The following CDC42 variants were observed in gnomAD, a reference collection of about 807,000 sequenced individuals.
The protein encoded by CDC42 is cell division cycle 42.
Under a neutral mutation model 20.8 loss-of-function variants are expected in CDC42, and 1 was observed. The ratio of observed to expected loss-of-function variants is 0.05; its 90% CI spans 0.02 to 0.23. The LOEUF (loss-of-function observed/expected upper bound fraction) is 0.23. CDC42 is among the 10% of genes least tolerant of loss of function. The pLI is 1.00. For missense variants in CDC42, 49 were observed against 227.9 expected (o/e 0.21, Z 5.05); for synonymous variants, 72 against 84.8 (o/e 0.85, Z 0.83).
intron 1 of CDC42, among the ~76,000 whole-genome samples, chr1:22,071,188 C>A (rs1390043526): frequency 6.6e-6 from 1 of 151,548 alleles, no homozygotes; most frequent in Non-Finnish European, 1.5e-5. Context: ...GGACTACAGG[C>A]GCCTGCCACC....
chr1:22,065,255 T>G (rs1645409891), intron 1 of CDC42, among the ~76,000 whole-genome samples: 1 of 152,246 alleles, frequency 6.6e-6, no homozygotes, highest in South Asian at 2.1e-4. Context: ...AAATACTTGC[T>G]GTGTGATTAG....
chr1:22,064,154 A>G (rs1390665982), intron 1 of CDC42: 1 of 151,862 alleles, frequency 6.6e-6, no homozygotes, highest in African/African-American at 2.4e-5. Flanking sequence ...CTTTTTGGAT[A>G]AATTACCTGA....
Position 22,081,779 on chromosome 1 carries a change from CT to C in CDC42, c.168del (p.Phe56LeufsTer15). Reference sequence around the variant, plus strand: ...TGGTGGAGAACCATATACTCTTGGACTTTTTGATACTGCAGGTGAAAACTTA... The same window carrying C: ...TGGTGGAGAACCATATACTCTTGGACTTTTGATACTGCAGGTGAAAACTTA... Reference protein sequence around the residue: ...MIGGEPYTLGLFDTAGQEDYD... With the variant: ...MIGGEPYTLGXFDTAGQEDYD... On this transcript the variant is annotated frameshift_variant, in exon 3 of 6. Coordinates refer to ENST00000656825, the MANE Select transcript of CDC42 (RefSeq NM_001791.4). LOFTEE classifies it high-confidence loss of function. 2 of 1,603,670 alleles carry C rather than the reference CT, an allele frequency of 1.2e-6. No homozygotes were observed. Among genetic ancestry groups the C allele is most frequent in the Non-Finnish European group, 1.7e-6 (2 of 1,170,988 alleles).
intron 1 of CDC42, among the ~76,000 whole-genome samples, chr1:22,063,720 T>C (rs567513936): frequency 2.6e-5 from 4 of 152,198 alleles, no homozygotes; most frequent in South Asian, 4.1e-4. Flanking sequence ...GTTGGTAACC[T>C]TCACAACTTT....
At position 22,100,062 on chromosome 1, in the gene CDC42, G is replaced by A. The variant is rs1350073621; in HGVS notation, c.*8545G>A. Among the ~76,000 whole-genome samples the A allele has an allele frequency of 7.2e-6, 1 of 138,700 alleles. No homozygotes were observed. The highest frequency in any genetic ancestry group is 2.7e-5 in the African/African-American group (1 of 36,856). The allele number at this position is 138,700 out of a possible 152,430, so 91.0% of individuals were successfully genotyped here. A position where few individuals can be genotyped will look rare whatever the true frequency, so the allele number is the denominator to read the frequency against. On this transcript the variant is annotated 3_prime_UTR_variant, in exon 6 of 6. Coordinates refer to ENST00000656825, the MANE Select transcript of CDC42 (RefSeq NM_001791.4). ...TTTTTTTTGTATAATAGGCCTGTGA[G>A]TTGGGAAGAGCAGGGTTTGTTTGGT...
chr1:22,066,054 G>GT lies in CDC42; in HGVS notation c.-50-12368dup, dbSNP rs543702771. Among the ~76,000 whole-genome samples the GT allele has an allele frequency of 3.9e-4, 60 of 152,192 alleles. No homozygotes were observed. The Middle Eastern group carries it at 0.01, about 26-fold the overall frequency. ...GGATTACAGGCCTCTGTGCCTGGGC[G>GT]TTTTTTTCATATTACTACTTTAGTC... is the stretch of plus-strand genomic sequence containing the variant. On this transcript the variant is annotated intron_variant, in intron 1 of 5. Coordinates refer to ENST00000656825, the MANE Select transcript of CDC42 (RefSeq NM_001791.4).
intron 1 of CDC42, among the ~76,000 whole-genome samples, chr1:22,058,150 T>G (rs1188500758): frequency 6.6e-6 from 1 of 152,220 alleles, no homozygotes; most frequent in Non-Finnish European, 1.5e-5. Context: ...TCATTAGAAC[T>G]ATCAGGATTC....
At chr1:22,080,934 G>C (rs767132756) in intron 2 of CDC42, among the ~76,000 whole-genome samples, 3 of 152,158 alleles carry the variant, frequency 2.0e-5, no homozygotes, top group Non-Finnish European at 2.9e-5. Flanking sequence ...ACTTTGGGAG[G>C]CCGAGGCAGG....
intron 1 of CDC42, among the ~76,000 whole-genome samples, chr1:22,075,559 G>A (rs1400662481): frequency 6.6e-6 from 1 of 152,160 alleles, no homozygotes; most frequent in Non-Finnish European, 1.5e-5. Context: ...TCCTTTCTAA[G>A]AAGTTTGGAA....
chr1:22,098,214 C>T lies in CDC42; in HGVS notation c.*6697C>T, dbSNP rs569129865. ...AAGTTTGCATTATTACTCCTAACAA[C>T]GTGCCCTTTGGCAGGTAGCTTCCAC... is the stretch of plus-strand genomic sequence containing the variant. On this transcript the variant is annotated 3_prime_UTR_variant, in exon 6 of 6. Transcript: ENST00000656825. 7.1e-4 allele frequency among the ~76,000 whole-genome samples: 108 copies of T among 152,266 alleles called. 4 individuals are homozygous for T. In the South Asian group the frequency reaches 0.021, roughly 30 times the overall value.
chr1:22,088,229 C>T (rs1645680262), intron 5 of CDC42, among the ~76,000 whole-genome samples: 2 of 152,172 alleles, frequency 1.3e-5, no homozygotes, highest in African/African-American at 4.8e-5. Context: ...GTGAAACACT[C>T]ATGTCCATGT....
At chr1:22,076,838 T>G (rs1174230949) in intron 1 of CDC42, among the ~76,000 whole-genome samples, 1 of 151,916 alleles carries the variant, frequency 6.6e-6, no homozygotes, top group Non-Finnish European at 1.5e-5. Context: ...AAAAGGAAGT[T>G]GAATAAAGAA....
At chr1:22,054,505 C>G (rs932185505) in intron 1 of CDC42, among the ~76,000 whole-genome samples, 1 of 152,138 alleles carries the variant, frequency 6.6e-6, no homozygotes, top group African/African-American at 2.4e-5. Context: ...ATTTTGTATC[C>G]TTCCGCGACT....
chr1:22,087,415 A>C (rs527446954), intron 5 of CDC42, among the ~76,000 whole-genome samples: 1 of 152,270 alleles, frequency 6.6e-6, no homozygotes, highest in South Asian at 2.1e-4. Context: ...TTCCTTCCTC[A>C]TGCATTCCGG....
At chr1:22,053,111 C>G (rs1645254628) in intron 1 of CDC42, among the ~76,000 whole-genome samples, 1 of 151,314 alleles carries the variant, frequency 6.6e-6, no homozygotes, top group Non-Finnish European at 1.5e-5. Flanking sequence ...CGGCGGGCTC[C>G]TAAGGGCGGC....
intron 1 of CDC42, among the ~76,000 whole-genome samples, chr1:22,067,140 G>C (rs1371476816): frequency 6.6e-6 from 1 of 152,128 alleles, no homozygotes; most frequent in Non-Finnish European, 1.5e-5. Flanking sequence ...AAGGCAAGAA[G>C]AAGGGCCTTG....
rs949818647 is a variant in CDC42 at position 22,099,017 on chromosome 1, G to A, written c.*7500G>A. Reference sequence around the variant, plus strand: ...GATCCTCCCACCTCGGCCTCCCAACGTGCTGGGATTACAGGCATTAGCCAC... The same window carrying A: ...GATCCTCCCACCTCGGCCTCCCAACATGCTGGGATTACAGGCATTAGCCAC... On this transcript the variant is annotated 3_prime_UTR_variant, in exon 6 of 6. Transcript: ENST00000656825. 1.3e-5 allele frequency among the ~76,000 whole-genome samples: 2 copies of A among 152,174 alleles called. No homozygotes were observed. Among genetic ancestry groups the A allele is most frequent in the African/African-American group, 2.4e-5 (1 of 41,432 alleles).
In CDC42 at chr1:22,091,791, GTGTTTT is replaced by G. The variant is rs1279572661; in HGVS notation, c.*276_*281del. The G allele has an allele frequency of 5.1e-5, 4 of 77,888 alleles. No individual in the cohort carries two copies. The highest frequency in any genetic ancestry group is 2.0e-4 in the Admixed American group (1 of 5,014). The allele number at this position is 77,888 out of a possible 1,614,324, so 4.8% of individuals were successfully genotyped here. A position where few individuals can be genotyped will look rare whatever the true frequency, so the allele number is the denominator to read the frequency against. Reference sequence around the variant, plus strand: ...TCAAAAAAAAAATTTTTGTGTGTGTGTGTTTTTTTTTTTTTTTTTTTTGTTGTTTAA... The same window carrying G: ...TCAAAAAAAAAATTTTTGTGTGTGTGTTTTTTTTTTTTTTTTGTTGTTTAA... On this transcript the variant is annotated 3_prime_UTR_variant, in exon 6 of 6. Coordinates refer to ENST00000656825, the MANE Select transcript of CDC42 (RefSeq NM_001791.4).
chr1:22,074,982 CT>C (rs1243341738), intron 1 of CDC42, among the ~76,000 whole-genome samples: 1 of 151,938 alleles, frequency 6.6e-6, no homozygotes, highest in Non-Finnish European at 1.5e-5. Flanking sequence ...CTTCAGGCTG[CT>C]TTTTTTTGTG....
Sources: gnomAD v4.1 joint callset for allele counts (sites outside exome capture counted in the v4.1 genomes callset) on GRCh38, gnomAD v4.1.1 for gene constraint, MANE v1.5 for transcripts, NCBI Gene and HGNC (gene_info 2026-07-23, HGNC 2026-07-21) for gene names.